DMD: variants seen among roughly 807,000 people sequenced by gnomAD.
DMD encodes the protein mutant dystrophin.
Under a neutral mutation model 330.1 loss-of-function variants are expected in DMD, and 63 were observed. That is an observed-to-expected ratio of 0.19 (90% confidence interval 0.16 to 0.24). DMD has a LOEUF of 0.24. Ranked by LOEUF, DMD falls within the 10% of genes least tolerant of loss-of-function variation. The pLI is 1.00. For missense variants in DMD, 3,344 were observed against 2,684.1 expected, an observed-to-expected ratio of 1.25 and a Z score of -5.43; for synonymous variants, 1,223 against 959.8, an observed-to-expected ratio of 1.27 and a Z score of -5.07.
intron 2 of DMD, among the ~76,000 whole-genome samples, chrX:32,912,248 A>G (rs1213865083): frequency 9.0e-6 from 1 of 111,214 alleles, no homozygotes; most frequent in African/African-American, 3.3e-5. Flanking sequence ...TGCCTGAAAC[A>G]CAAAGAGAGG....
In DMD at chrX:32,134,182, C is replaced by T. The variant is rs780891871; in HGVS notation, c.6438+82734G>A. Among the ~76,000 whole-genome samples, 12 of 110,715 alleles carry T rather than the reference C, an allele frequency of 1.1e-4. No homozygotes were observed. The South Asian group carries it at 4.0e-3, about 37-fold the overall frequency. Reference sequence around the variant, plus strand: ...TGAACATACTATACAATATACTTATCGTATCTGTCTTTCACTATTTGAGAC... The same window carrying T: ...TGAACATACTATACAATATACTTATTGTATCTGTCTTTCACTATTTGAGAC... On this transcript the variant is annotated intron_variant, in intron 44 of 78. Transcript: ENST00000357033.
At chrX:32,031,755 T>A (rs1341809131) in intron 44 of DMD, among the ~76,000 whole-genome samples, 2 of 111,924 alleles carry the variant, frequency 1.8e-5, no homozygotes, top group African/African-American at 6.5e-5. Flanking sequence ...CAATATGCCA[T>A]TAATATTTCA....
intron 64 of DMD, among the ~76,000 whole-genome samples, chrX:31,222,412 A>AAAAAAAAAAAAAAAAAAAAAAG (rs2046192169): frequency 9.4e-6 from 1 of 106,172 alleles, no homozygotes; most frequent in Non-Finnish European, 1.9e-5. Flanking sequence ...AAAAAAAAAA[A>AAAAAAAAAAAAAAAAAAAAAAG]AAAAACAGAA....
chrX:33,243,369 T>C, intron 1 of DMD, among the ~76,000 whole-genome samples: 1 of 112,013 alleles, frequency 8.9e-6, no homozygotes, highest in Admixed American at 9.5e-5. Context: ...TCAAAATGGC[T>C]ATTATTAAAA....
chrX:31,541,753 T>C (rs1283269403), intron 55 of DMD, among the ~76,000 whole-genome samples: 10 of 110,270 alleles, frequency 9.1e-5, no homozygotes, highest in Non-Finnish European at 1.9e-4. Context: ...GACATTTGGG[T>C]TGGTTCCAAG....
intron 27 of DMD, among the ~76,000 whole-genome samples, chrX:32,447,689 G>T (rs1450024973): frequency 8.9e-6 from 1 of 111,760 alleles, no homozygotes; most frequent in East Asian, 2.8e-4. Context: ...TGTGAGGGAA[G>T]GGGGCTTAAA....
chrX:31,453,633 T>C (rs890703865), intron 59 of DMD, among the ~76,000 whole-genome samples: 2 of 109,488 alleles, frequency 1.8e-5, no homozygotes, highest in South Asian at 7.8e-4. Context: ...TTACCACTAT[T>C]TAAAAAATCA....
rs756651573 is a variant in DMD at position 33,230,961 on chromosome X, A to T, written c.7+108298T>A. On this transcript the variant is annotated intron_variant, in intron 1 of 17. Transcript: ENST00000288447. The stretch of plus-strand genomic sequence containing the variant: ...CTATGTTAGGAACATAATAGCCAAA[A>T]AAAAAAAAAAATAAATAACAGTTGG... Among the ~76,000 whole-genome samples, 10 of 103,426 alleles carry T rather than the reference A, an allele frequency of 9.7e-5. No homozygotes were observed. In the South Asian group the frequency reaches 3.8e-3, roughly 39 times the overall value. The allele number at this position is 103,426 out of a possible 115,157, so 89.8% of individuals were successfully genotyped here.
At chrX:32,406,307 G>C (rs1243623131) in intron 30 of DMD, among the ~76,000 whole-genome samples, 7 of 111,558 alleles carry the variant, frequency 6.3e-5, no homozygotes, top group Non-Finnish European at 1.3e-4. Context: ...GGAGCAGTGA[G>C]AGAGGGCACC....
At chrX:33,244,565 T>C (rs1256017841) in intron 1 of DMD, among the ~76,000 whole-genome samples, 1 of 112,088 alleles carries the variant, frequency 8.9e-6, no homozygotes, top group African/African-American at 3.2e-5. Flanking sequence ...TGATTTCAAA[T>C]GATCCTTTTG....
intron 65 of DMD, among the ~76,000 whole-genome samples, chrX:31,207,801 A>G (rs759487575): frequency 1.8e-5 from 2 of 111,158 alleles, no homozygotes; most frequent in East Asian, 2.8e-4. Flanking sequence ...GAGGCTGCAT[A>G]TTACTTTTTG....
intron 22 of DMD, among the ~76,000 whole-genome samples, chrX:32,469,157 T>C (rs958186954): frequency 9.0e-6 from 1 of 110,672 alleles, no homozygotes; most frequent in African/African-American, 3.3e-5. Context: ...ACAATCTATG[T>C]ACTTAATATA....
chrX:33,158,143 T>C (rs1277090874), intron 1 of DMD, among the ~76,000 whole-genome samples: 1 of 112,126 alleles, frequency 8.9e-6, no homozygotes, highest in Non-Finnish European at 1.9e-5. Flanking sequence ...TTATTGCCTA[T>C]ATATTTCTGT....
chrX:31,572,797 G>A (rs771806431), intron 55 of DMD, among the ~76,000 whole-genome samples: 17 of 112,168 alleles, frequency 1.5e-4, no homozygotes, highest in Non-Finnish European at 2.3e-4. Flanking sequence ...GCAGTAGCTG[G>A]TGCTTCACAT....
intron 62 of DMD, among the ~76,000 whole-genome samples, chrX:31,271,664 T>G (rs1273830506): frequency 1.8e-5 from 2 of 111,768 alleles, no homozygotes; most frequent in Middle Eastern, 4.7e-3. Context: ...TTATAAAAAT[T>G]CATTTAGAGT....
chrX:31,611,293 A>G (rs1017149794), intron 55 of DMD, among the ~76,000 whole-genome samples: 4 of 110,689 alleles, frequency 3.6e-5, no homozygotes, highest in Non-Finnish European at 7.6e-5. Context: ...ACCTGGAGAA[A>G]CATATCTTTT....
At chrX:32,554,499 A>G (rs2149014892) in intron 16 of DMD, among the ~76,000 whole-genome samples, 1 of 111,035 alleles carries the variant, frequency 9.0e-6, no homozygotes, top group African/African-American at 3.3e-5. Context: ...CTCTATGCAC[A>G]TAAACTAGAA....
At chrX:31,713,293 C>G (rs1260619751) in intron 52 of DMD, among the ~76,000 whole-genome samples, 1 of 111,924 alleles carries the variant, frequency 8.9e-6, no homozygotes, top group Non-Finnish European at 1.9e-5. Context: ...TCAGTCAACA[C>G]AAACTCATCT....
At chrX:32,632,519 T>C (rs932952628) in intron 11 of DMD, among the ~76,000 whole-genome samples, 4 of 112,647 alleles carry the variant, frequency 3.6e-5, no homozygotes, top group Non-Finnish European at 7.5e-5. Flanking sequence ...GGAGAAGTTC[T>C]CTGTGAGGGT....
Sources: gnomAD v4.1 joint callset for allele counts (sites outside exome capture counted in the v4.1 genomes callset) on GRCh38, gnomAD v4.1.1 for gene constraint, MANE v1.5 for transcripts, NCBI Gene and HGNC (gene_info 2026-07-23, HGNC 2026-07-21) for gene names.